The following LMBRD2 variants were observed in gnomAD, a reference collection of about 807,000 sequenced individuals.
The protein encoded by LMBRD2 is LMBR1 domain containing 2.
In LMBRD2, 55 loss-of-function variants were observed where a neutral mutation model predicts 94.4. The ratio of observed to expected loss-of-function variants is 0.58; its 90% confidence interval spans 0.47 to 0.73. LMBRD2 has a LOEUF of 0.73. Among genes scored for constraint, LMBRD2 ranks in the 30% least tolerant of loss-of-function variants. LMBRD2 has a pLI of 0.00. For missense variants in LMBRD2, 640 were observed against 831.9 expected, an observed-to-expected ratio of 0.77 and a Z score of 2.84; for synonymous variants, 246 against 272.4, an observed-to-expected ratio of 0.90 and a Z score of 0.95.
At chr5:36,122,490 G>T in intron 8 of LMBRD2, 27 bp from the exon 9 acceptor site, 1 of 1,588,144 alleles carries the variant, frequency 6.3e-7, no homozygotes, top group South Asian at 1.1e-5. Flanking sequence ...GGGTAGACCT[G>T]GCAGTGTTCT....
intron 17 of LMBRD2, 46 bp from the exon 18 acceptor site, chr5:36,104,152 AAAGG>A: frequency 6.9e-7 from 1 of 1,452,202 alleles, no homozygotes. Flanking sequence ...CAAAAATAAT[AAAGG>A]AAGAGAGGAA....
intron 2 of LMBRD2, chr5:36,142,851 A>G (rs546876139): frequency 2.6e-6 from 1 of 381,496 alleles, no homozygotes; most frequent in Non-Finnish European, 4.8e-6. Flanking sequence ...CAGCCTCCCG[A>G]GTAGCTGGGA....
intron 6 of LMBRD2, among the ~76,000 whole-genome samples, chr5:36,133,650 A>T (rs1214752614): frequency 6.6e-6 from 1 of 152,136 alleles, no homozygotes; most frequent in Non-Finnish European, 1.5e-5. Flanking sequence ...TTCTCCTGCT[A>T]TCTATGTGTA....
At position 36,099,374 on chromosome 5, in the gene LMBRD2, C is replaced by T. The variant is rs1743302240; in HGVS notation, c.*4672G>A. ...TTTAAAACACAGGTCCACATATTTT[C>T]TACCTTCTAAAATAAGAAAAATCCT... is the stretch of plus-strand genomic sequence containing the variant. On this transcript the variant is annotated 3_prime_UTR_variant, in exon 18 of 18. Transcript: ENST00000296603. The T allele has an allele frequency of 6.6e-6, 1 of 152,056 alleles. No individual in the cohort carries two copies. The highest frequency in any genetic ancestry group is 1.5e-5 in the Non-Finnish European group (1 of 67,970). 9.4% of individuals were successfully genotyped at this position (152,056 alleles called of 1,614,324 possible).
At chr5:36,136,276 T>C (rs1328886095) in intron 6 of LMBRD2, 33 bp downstream of exon 6, 1 of 1,593,542 alleles carries the variant, frequency 6.3e-7, no homozygotes, top group Admixed American at 1.7e-5. Context: ...TATGACTTAG[T>C]GACTATTGCT....
intron 13 of LMBRD2, among the ~76,000 whole-genome samples, chr5:36,113,789 T>C (rs955129703): frequency 6.6e-6 from 1 of 152,180 alleles, no homozygotes; most frequent in South Asian, 2.1e-4. Context: ...TGAGGAGGCC[T>C]GACATGTAAA....
chr5:36,106,930 G>T (rs566485915), intron 16 of LMBRD2, among the ~76,000 whole-genome samples: 1 of 152,084 alleles, frequency 6.6e-6, no homozygotes, highest in African/African-American at 2.4e-5. Flanking sequence ...ATGCCACAAC[G>T]TCCTGCACTT....
At chr5:36,142,443 A>C in intron 3 of LMBRD2, 59 bp downstream of exon 3, 1 of 1,000,332 alleles carries the variant, frequency 1.0e-6, no homozygotes, top group Middle Eastern at 2.2e-4. Flanking sequence ...AAAAACTTTC[A>C]ATTTTTAAAC....
In LMBRD2 at chr5:36,105,194, G is replaced by A; in HGVS notation, c.1901C>T (p.Ala634Val). The part of the protein sequence containing the change: ...NFSDVNTNRS[A>V]FKYTRANNRT... Reference sequence around the variant, plus strand: ...GTTATTAGCCCTGGTATATTTGAATGCAGCTGCAAAGGAAGGGGGAAAAAT... The same window carrying A: ...GTTATTAGCCCTGGTATATTTGAATACAGCTGCAAAGGAAGGGGGAAAAAT... Residue 634 changes from alanine to valine, a missense_variant, in exon 17 of 18, where the codon GCA becomes GTA. Physicochemically the swap from Ala to Val is moderately conservative, Grantham distance 64 (BLOSUM62 0). Transcript: ENST00000296603. 1.2e-6 allele frequency: 2 copies of A among 1,611,550 alleles called. No individual in the cohort carries two copies. Among genetic ancestry groups the A allele is most frequent in the Non-Finnish European group, 1.7e-6 (2 of 1,178,462 alleles).
chr5:36,142,409 A>C lies in LMBRD2; in HGVS notation c.272+93T>G, dbSNP rs1744431337. The C allele has an allele frequency of 4.6e-6, 3 of 650,284 alleles. No homozygotes were observed. In the East Asian group the frequency reaches 8.3e-5, roughly 18 times the overall value. The allele number at this position is 650,284 out of a possible 1,614,324, so 40.3% of individuals were successfully genotyped here. A position where few individuals can be genotyped will look rare whatever the true frequency, so the allele number is the denominator to read the frequency against. On this transcript the variant is annotated intron_variant, in intron 3 of 17. Transcript: ENST00000296603. ...AATTAGTAGAGAATGAGGATAACTTACATAAATATAAAGTCTGGATGGTAA... is the reference window on the plus strand; with the variant it reads ...AATTAGTAGAGAATGAGGATAACTTCCATAAATATAAAGTCTGGATGGTAA...
At chr5:36,148,304 G>A (rs1418776657) in intron 1 of LMBRD2, among the ~76,000 whole-genome samples, 3 of 151,154 alleles carry the variant, frequency 2.0e-5, no homozygotes, top group African/African-American at 4.9e-5. Context: ...CTGAGTTGGC[G>A]AACCAACCAG....
At chr5:36,116,409 A>C in intron 11 of LMBRD2, 51 bp downstream of exon 11, 3 of 1,539,984 alleles carry the variant, frequency 1.9e-6, no homozygotes, top group Non-Finnish European at 1.8e-6. Context: ...GATCCATAAG[A>C]ATACACTCAA....
At chr5:36,125,479 T>C (rs1308515421) in intron 6 of LMBRD2, among the ~76,000 whole-genome samples, 3 of 152,104 alleles carry the variant, frequency 2.0e-5, no homozygotes, top group Non-Finnish European at 2.9e-5. Context: ...AATGGGAATA[T>C]AGAAAACAAT....
chr5:36,106,297 C>T (rs1743465329), intron 16 of LMBRD2, among the ~76,000 whole-genome samples: 1 of 152,060 alleles, frequency 6.6e-6, no homozygotes, highest in Non-Finnish European at 1.5e-5. Flanking sequence ...ATCCTTTTCT[C>T]TTCATCTCCA....
intron 1 of LMBRD2, chr5:36,147,998 C>CA (rs1489602594): frequency 4.3e-6 from 1 of 231,482 alleles, no homozygotes; most frequent in Non-Finnish European, 9.6e-6. Context: ...TCTAACTTCA[C>CA]ATATCTGTAT....
intron 15 of LMBRD2, among the ~76,000 whole-genome samples, chr5:36,108,862 T>A (rs897367882): frequency 5.3e-5 from 8 of 152,286 alleles, no homozygotes; most frequent in South Asian, 2.1e-4. Flanking sequence ...CATAGAGATA[T>A]TTTTGCTAAC....
intron 6 of LMBRD2, among the ~76,000 whole-genome samples, chr5:36,134,576 C>T (rs183266299): frequency 4.4e-4 from 67 of 152,126 alleles, no homozygotes; most frequent in Admixed American, 4.1e-3. Context: ...GACACTGGCA[C>T]GCAGGGAGAA....
intron 7 of LMBRD2, among the ~76,000 whole-genome samples, chr5:36,123,748 A>G (rs1225486807): frequency 6.7e-6 from 1 of 150,358 alleles, no homozygotes; most frequent in Non-Finnish European, 1.5e-5. Flanking sequence ...AATATAGTAT[A>G]GTTTATTAAA....
At chr5:36,123,125 A>G (rs1217983995) in intron 7 of LMBRD2, among the ~76,000 whole-genome samples, 164 bp from the exon 8 acceptor site, 1 of 152,092 alleles carries the variant, frequency 6.6e-6, no homozygotes, top group Non-Finnish European at 1.5e-5. Context: ...TATTTTCTTG[A>G]AAATGTCTTA....
Sources: gnomAD v4.1 joint callset for allele counts (sites outside exome capture counted in the v4.1 genomes callset) on GRCh38, gnomAD v4.1.1 for gene constraint, MANE v1.5 for transcripts, NCBI Gene and HGNC (gene_info 2026-07-23, HGNC 2026-07-21) for gene names.